The following AFG2A variants were observed in gnomAD, a reference collection of about 807,000 sequenced individuals.
The protein encoded by AFG2A is AAA ATPase AFG2A, also known as ATPase family gene 2 protein homolog A.
the AFG2A span, chr4:122,934,136 C>T: frequency 2.4e-5 from 38 of 1,612,902 alleles, no homozygotes; most frequent in South Asian, 1.1e-4. Context: ...CTGTATTGTA[C>T]ATTCTATGGA....
chr4:123,109,660 C>CAT, the AFG2A span, among the ~76,000 whole-genome samples: 2 of 152,144 alleles, frequency 1.3e-5, no homozygotes, highest in African/African-American at 4.8e-5. Context: ...TTATGCTACT[C>CAT]AGCTGTTTTT....
the AFG2A span, among the ~76,000 whole-genome samples, chr4:123,144,549 C>T: frequency 6.6e-6 from 1 of 151,934 alleles, no homozygotes; most frequent in Non-Finnish European, 1.5e-5. Context: ...TTTGAAAGGA[C>T]GATGACTTGT....
the AFG2A span, among the ~76,000 whole-genome samples, chr4:123,120,937 G>C: frequency 6.6e-6 from 1 of 152,072 alleles, no homozygotes; most frequent in Admixed American, 6.6e-5. Flanking sequence ...TCCTACAGGG[G>C]ATATTCCATA....
At chr4:122,955,267 AC>A in the AFG2A span, among the ~76,000 whole-genome samples, 1 of 151,328 alleles carries the variant, frequency 6.6e-6, no homozygotes, top group Non-Finnish European at 1.5e-5. Context: ...TCACGTGGCA[AC>A]CCTCCTTTCT....
chr4:123,178,226 A>G, the AFG2A span, among the ~76,000 whole-genome samples: 1 of 152,072 alleles, frequency 6.6e-6, no homozygotes, highest in Non-Finnish European at 1.5e-5. Flanking sequence ...TGTACCTTGA[A>G]CCCATTAGGT....
At chr4:122,946,414 G>T in the AFG2A span, among the ~76,000 whole-genome samples, 4 of 152,186 alleles carry the variant, frequency 2.6e-5, no homozygotes, top group Non-Finnish European at 4.4e-5. Context: ...ATATTTTTAA[G>T]GGTCTGTTTT....
the AFG2A span, among the ~76,000 whole-genome samples, chr4:123,166,861 A>G: frequency 2.0e-5 from 3 of 152,162 alleles, no homozygotes; most frequent in Admixed American, 2.0e-4. Context: ...ATCTTGGATT[A>G]TAACGTATGG....
chr4:122,957,502 C>T, the AFG2A span, among the ~76,000 whole-genome samples: 25 of 152,236 alleles, frequency 1.6e-4, no homozygotes, highest in African/African-American at 4.6e-4. Context: ...TCCCACTTAT[C>T]GAACATAACA....
the AFG2A span, among the ~76,000 whole-genome samples, chr4:123,089,385 A>G: frequency 3.3e-5 from 5 of 152,224 alleles, no homozygotes; most frequent in African/African-American, 1.2e-4. Flanking sequence ...ACCCAAGTGC[A>G]TCTAATTGAA....
chr4:123,096,593 A>C, the AFG2A span, among the ~76,000 whole-genome samples: 1 of 152,078 alleles, frequency 6.6e-6, no homozygotes, highest in Non-Finnish European at 1.5e-5. Context: ...CTTTGAATTC[A>C]GTTTATTTGG....
chr4:123,000,100 CTGTT>C, the AFG2A span, among the ~76,000 whole-genome samples: 232 of 149,636 alleles, frequency 1.6e-3, 2 homozygotes, highest in African/African-American at 5.3e-3. Flanking sequence ...ATTTGGCTCT[CTGTT>C]TGTCTGTTAT....
chr4:123,293,636 G>A, the AFG2A span, among the ~76,000 whole-genome samples: 1 of 152,176 alleles, frequency 6.6e-6, no homozygotes, highest in Non-Finnish European at 1.5e-5. Flanking sequence ...CTATGTGCAC[G>A]AATATGGCAG....
the AFG2A span, among the ~76,000 whole-genome samples, chr4:123,181,542 G>A: frequency 6.6e-6 from 1 of 152,128 alleles, no homozygotes; most frequent in Non-Finnish European, 1.5e-5. Flanking sequence ...GAGCCCATGG[G>A]ATCAAGGCTG....
chr4:123,312,829 C>G, the AFG2A span, among the ~76,000 whole-genome samples: 1 of 152,188 alleles, frequency 6.6e-6, no homozygotes, highest in African/African-American at 2.4e-5. Context: ...GCTCCCTAAA[C>G]ATGCTGCTAA....
chr4:123,044,807 A>G, the AFG2A span, among the ~76,000 whole-genome samples: 5 of 151,292 alleles, frequency 3.3e-5, no homozygotes, highest in Admixed American at 1.3e-4. Flanking sequence ...TTCTATGCTT[A>G]CTTTGAATGG....
At chr4:122,963,268 A>C in the AFG2A span, among the ~76,000 whole-genome samples, 1 of 152,230 alleles carries the variant, frequency 6.6e-6, no homozygotes, top group South Asian at 2.1e-4. Context: ...ATGCTAATAC[A>C]GTAGAAAGGT....
At chr4:123,036,925 A>C in the AFG2A span, among the ~76,000 whole-genome samples, 1 of 152,046 alleles carries the variant, frequency 6.6e-6, no homozygotes, top group African/African-American at 2.4e-5. Context: ...GTATGTGCTG[A>C]TACTGTACTT....
the AFG2A span, among the ~76,000 whole-genome samples, chr4:123,227,791 G>T: frequency 6.6e-6 from 1 of 152,130 alleles, no homozygotes; most frequent in African/African-American, 2.4e-5. Flanking sequence ...TCGTTGATCT[G>T]TCTAATGTTG....
the AFG2A span, among the ~76,000 whole-genome samples, chr4:122,986,817 G>A: frequency 6.6e-6 from 1 of 152,138 alleles, no homozygotes; most frequent in Non-Finnish European, 1.5e-5. Flanking sequence ...GTAGTGTTCT[G>A]TATATGTCTG....
Sources: gnomAD v4.1 joint callset for allele counts (sites outside exome capture counted in the v4.1 genomes callset) on GRCh38, gnomAD v4.1.1 for gene constraint, MANE v1.5 for transcripts, NCBI Gene and HGNC (gene_info 2026-07-23, HGNC 2026-07-21) for gene names.